The following DPF3 variants were observed in gnomAD, a reference collection of about 807,000 sequenced individuals.
DPF3 encodes zinc finger protein DPF3.
In DPF3, 18 loss-of-function variants were observed where a neutral mutation model predicts 56.8. The ratio of observed to expected loss-of-function variants is 0.32; its 90% confidence interval spans 0.22 to 0.47. DPF3 has a LOEUF of 0.47. Ranked by LOEUF, DPF3 falls within the 20% of genes least tolerant of loss-of-function variation. The pLI, the probability that DPF3 is intolerant of heterozygous loss-of-function variation, is 1.00. For synonymous variants in DPF3, 188 were observed against 180.2 expected (o/e 1.04, Z -0.35); for missense variants, 403 against 488.8 (o/e 0.82, Z 1.65).
In DPF3 at chr14:72,652,969, A is replaced by T. The variant is rs115184362; in HGVS notation, c.871+21271T>A. 2.1e-3 allele frequency among the ~76,000 whole-genome samples: 316 copies of T among 152,258 alleles called. 1 individual carries two copies. Among genetic ancestry groups the T allele is most frequent in the African/African-American group, 7.1e-3 (294 of 41,550 alleles). On this transcript the variant is annotated intron_variant, in intron 8 of 10. Coordinates refer to ENST00000556509, the MANE Select transcript of DPF3 (RefSeq NM_001280542.3). ...TGTTTTTCCTTTCCTCAGGAGGAGG[A>T]TGGATATTCTTCTGTTGTGGGTTTC...
intron 7 of DPF3, chr14:72,675,800 G>A (rs1886884138): frequency 1.3e-5 from 2 of 152,272 alleles, no homozygotes; most frequent in Admixed American, 1.3e-4. Flanking sequence ...TGCAAGAAGT[G>A]TTAGCTGTTT....
chr14:72,745,782 C>T lies in DPF3; in HGVS notation c.301+7482G>A, dbSNP rs150950850. Among the ~76,000 whole-genome samples, 827 of 152,186 alleles carry T rather than the reference C, an allele frequency of 5.4e-3. 9 individuals are homozygous for T. The highest frequency in any genetic ancestry group is 0.018 in the African/African-American group (747 of 41,514). ...GCCAATGACTCTATCCTGAGTCACG[C>T]GCGAAGTATCAGCCAAAAAACTGAG... On this transcript the variant is annotated intron_variant, in intron 3 of 10. Coordinates refer to ENST00000556509, the MANE Select transcript of DPF3 (RefSeq NM_001280542.3).
At chr14:72,715,458 A>C in intron 5 of DPF3, among the ~76,000 whole-genome samples, 1 of 152,080 alleles carries the variant, frequency 6.6e-6, no homozygotes, top group East Asian at 1.9e-4. Context: ...CAACCAAGGA[A>C]AGGGCCTGTC....
At chr14:72,665,628 T>A (rs2023480) in intron 8 of DPF3, among the ~76,000 whole-genome samples, 8,966 of 152,248 alleles carry the variant, frequency 0.059, 491 homozygotes, top group African/African-American at 0.13. Flanking sequence ...ATCGAGGTTG[T>A]GAAAAACAAG....
At chr14:72,827,294 A>G (rs1883849403) in intron 1 of DPF3, among the ~76,000 whole-genome samples, 1 of 151,928 alleles carries the variant, frequency 6.6e-6, no homozygotes, top group African/African-American at 2.4e-5. Flanking sequence ...CTTCAGCCCT[A>G]GTTCTGGAAA....
chr14:72,633,176 T>C (rs1885267044), intron 8 of DPF3, among the ~76,000 whole-genome samples: 2 of 152,132 alleles, frequency 1.3e-5, no homozygotes, highest in South Asian at 4.1e-4. Flanking sequence ...TGAGAAAGAC[T>C]GTAGAAGGAT....
At chr14:72,837,871 A>G (rs190439390) in intron 1 of DPF3, among the ~76,000 whole-genome samples, 12 of 152,384 alleles carry the variant, frequency 7.9e-5, no homozygotes, top group African/African-American at 2.4e-4. Flanking sequence ...TGCGGCCTTC[A>G]TGAAGTGAAA....
chr14:72,884,616 A>T lies in DPF3; in HGVS notation c.32+9441T>A, dbSNP rs536976275. Among the ~76,000 whole-genome samples, 16 of 151,314 alleles carry T rather than the reference A, an allele frequency of 1.1e-4. No homozygotes were observed. In the South Asian group the frequency reaches 3.3e-3, roughly 32 times the overall value. On this transcript the variant is annotated intron_variant, in intron 1 of 10. Transcript: ENST00000556509. ...TTGGAAGGACAGGCCTGACTTGCTAACTCCTGCCCCCCAAGCTATCCTGTC... is the reference window on the plus strand; with the variant it reads ...TTGGAAGGACAGGCCTGACTTGCTATCTCCTGCCCCCCAAGCTATCCTGTC...
At chr14:72,887,308 A>G (rs1245417046) in intron 1 of DPF3, among the ~76,000 whole-genome samples, 5 of 152,114 alleles carry the variant, frequency 3.3e-5, no homozygotes, top group African/African-American at 1.2e-4. Context: ...CCTCATTCTC[A>G]TCAGCTTCTG....
At chr14:72,671,941 A>C (rs952681474) in intron 8 of DPF3, among the ~76,000 whole-genome samples, 7 of 152,108 alleles carry the variant, frequency 4.6e-5, no homozygotes, top group Non-Finnish European at 1.0e-4. Context: ...AAGTCTGATA[A>C]GTGGTAGGTG....
chr14:72,790,367 T>C (rs1263504775), intron 1 of DPF3, among the ~76,000 whole-genome samples: 1 of 152,254 alleles, frequency 6.6e-6, no homozygotes, highest in Non-Finnish European at 1.5e-5. Flanking sequence ...AGCTGGTCCC[T>C]AGCATATAGT....
intron 1 of DPF3, among the ~76,000 whole-genome samples, chr14:72,812,687 G>A (rs935317698): frequency 6.6e-6 from 1 of 152,158 alleles, no homozygotes; most frequent in Non-Finnish European, 1.5e-5. Context: ...TGGGGGGAGA[G>A]GGCGCTCTAG....
At chr14:72,761,522 T>C (rs957110152) in intron 2 of DPF3, among the ~76,000 whole-genome samples, 1 of 151,902 alleles carries the variant, frequency 6.6e-6, no homozygotes, top group African/African-American at 2.4e-5. Flanking sequence ...TGAATGAAAC[T>C]AAAAACCCTA....
intron 1 of DPF3, among the ~76,000 whole-genome samples, chr14:72,802,592 G>A (rs182636469): frequency 6.6e-6 from 1 of 152,212 alleles, no homozygotes; most frequent in African/African-American, 2.4e-5. Flanking sequence ...CAACAGCCCA[G>A]AACTGACACA....
intron 8 of DPF3, among the ~76,000 whole-genome samples, chr14:72,664,320 C>T (rs1486029675): frequency 1.3e-5 from 2 of 152,206 alleles, no homozygotes; most frequent in East Asian, 3.9e-4. Flanking sequence ...CTTCAAATTT[C>T]CACCCCGACC....
intron 1 of DPF3, among the ~76,000 whole-genome samples, chr14:72,791,912 A>G (rs1892450653): frequency 6.6e-6 from 1 of 152,202 alleles, no homozygotes; most frequent in African/African-American, 2.4e-5. Context: ...TAGTCCAGGC[A>G]GGCAGCTCAG....
chr14:72,737,150 A>G (rs1205215562), intron 3 of DPF3, among the ~76,000 whole-genome samples: 25 of 152,066 alleles, frequency 1.6e-4, no homozygotes, highest in Admixed American at 1.6e-3. Context: ...TGAAGCATAG[A>G]AAGTCTTTTA....
intron 1 of DPF3, chr14:72,836,039 G>A (rs1292134187): frequency 1.0e-5 from 10 of 985,324 alleles, no homozygotes; most frequent in African/African-American, 1.7e-5. Context: ...GGTGCCTCGG[G>A]GAGATGCTGG....
intron 8 of DPF3, among the ~76,000 whole-genome samples, chr14:72,637,953 T>G (rs986178941): frequency 1.3e-5 from 2 of 152,190 alleles, no homozygotes; most frequent in Non-Finnish European, 2.9e-5. Flanking sequence ...TCTAGAAATC[T>G]AAAGGACTTT....
Sources: allele counts gnomAD v4.1 joint callset (sites outside exome capture counted in the v4.1 genomes callset), GRCh38; gene constraint gnomAD v4.1.1; transcripts MANE v1.5; gene names NCBI Gene and HGNC (gene_info 2026-07-23, HGNC 2026-07-21).